The following PTN variants were observed in gnomAD, a reference collection of about 807,000 sequenced individuals.
PTN encodes pleiotrophin.
PTN carries 18 observed loss-of-function variants against 24.1 expected under a neutral mutation model. The observed-to-expected ratio is 0.75, with a 90% CI of 0.52 to 1.11. PTN has a LOEUF of 1.11. Among genes scored for constraint, PTN ranks in the 50% least tolerant of loss-of-function variants. The probability of loss-of-function intolerance (pLI) is 0.00; values close to 1 mark genes in which losing one functional copy is unlikely to be tolerated. For synonymous variants in PTN, 78 were observed against 68.6 expected, an observed-to-expected ratio of 1.14 and a Z score of -0.67; for missense variants, 163 against 198.8, an observed-to-expected ratio of 0.82 and a Z score of 1.08.
chr7:137,250,448 C>T (rs1193936310), intron 4 of PTN, among the ~76,000 whole-genome samples: 1 of 152,182 alleles, frequency 6.6e-6, no homozygotes, highest in Non-Finnish European at 1.5e-5. Context: ...ACCCTTGTGA[C>T]TGCATTTTAT....
intron 1 of PTN, among the ~76,000 whole-genome samples, chr7:137,303,728 A>G (rs1276006904): frequency 6.6e-6 from 1 of 152,008 alleles, no homozygotes; most frequent in Non-Finnish European, 1.5e-5. Context: ...GAGTTTGAAA[A>G]AGCAAACAAA....
intron 1 of PTN, among the ~76,000 whole-genome samples, chr7:137,316,854 T>C (rs111285927): frequency 5.7e-4 from 87 of 152,154 alleles, no homozygotes; most frequent in African/African-American, 1.9e-3. Context: ...TGTTTGACCG[T>C]CTAGGATGTG....
At chr7:137,243,160 C>T (rs184572407) in intron 4 of PTN, among the ~76,000 whole-genome samples, 8 of 152,270 alleles carry the variant, frequency 5.3e-5, no homozygotes, top group Middle Eastern at 3.4e-3. Context: ...TGGTCTCGAT[C>T]TCTTGACCTC....
chr7:137,342,077 T>A (rs1810543153), intron 1 of PTN, among the ~76,000 whole-genome samples: 1 of 152,236 alleles, frequency 6.6e-6, no homozygotes, highest in Non-Finnish European at 1.5e-5. Context: ...CTTTATTTTC[T>A]GTGTTGGGAG....
At chr7:137,265,748 A>C (rs1000229671) in intron 1 of PTN, among the ~76,000 whole-genome samples, 5 of 152,230 alleles carry the variant, frequency 3.3e-5, no homozygotes, top group Non-Finnish European at 5.9e-5. Context: ...GTGCACAAGC[A>C]TAACAATTGC....
At chr7:137,304,512 G>A (rs1809856229) in intron 1 of PTN, among the ~76,000 whole-genome samples, 1 of 151,880 alleles carries the variant, frequency 6.6e-6, no homozygotes, top group Non-Finnish European at 1.5e-5. Flanking sequence ...AGGAGATGAA[G>A]AAGAAAGCTT....
intron 4 of PTN, among the ~76,000 whole-genome samples, chr7:137,230,854 C>T (rs1339477912): frequency 4.6e-5 from 7 of 151,808 alleles, no homozygotes; most frequent in African/African-American, 1.7e-4. Flanking sequence ...TCTTTACTTC[C>T]ATCTTCATAC....
Position 137,228,625 on chromosome 7 carries a change from G to A in PTN, c.452-550C>T, listed in dbSNP as rs932705660. 5.9e-5 allele frequency among the ~76,000 whole-genome samples: 9 copies of A among 151,872 alleles called. No homozygotes were observed. In the South Asian group the frequency reaches 8.3e-4, roughly 14 times the overall value. On this transcript the variant is annotated intron_variant, in intron 4 of 4. Coordinates refer to ENST00000348225, the MANE Select transcript of PTN (RefSeq NM_002825.7). ...GCCAGCTATCTATGTAAAAAGAACC[G>A]GCTATAAACCATATGTACTCTCTCT...
chr7:137,266,180 C>A (rs1283404320), intron 1 of PTN, among the ~76,000 whole-genome samples: 1 of 152,098 alleles, frequency 6.6e-6, no homozygotes, highest in African/African-American at 2.4e-5. Context: ...CTTTAATGTC[C>A]ATTTCACAGA....
chr7:137,241,569 G>A (rs1298990921), intron 4 of PTN, among the ~76,000 whole-genome samples: 1 of 152,098 alleles, frequency 6.6e-6, no homozygotes, highest in Non-Finnish European at 1.5e-5. Flanking sequence ...CTTACTTACA[G>A]TGCTTCATTT....
chr7:137,284,554 T>A (rs1173744098), intron 1 of PTN, among the ~76,000 whole-genome samples: 1 of 152,192 alleles, frequency 6.6e-6, no homozygotes, highest in African/African-American at 2.4e-5. Flanking sequence ...TTTAGTTCTC[T>A]GAGAAAGTGG....
At chr7:137,279,862 C>T (rs1209909290) in intron 1 of PTN, among the ~76,000 whole-genome samples, 1 of 152,118 alleles carries the variant, frequency 6.6e-6, no homozygotes, top group Non-Finnish European at 1.5e-5. Flanking sequence ...TGACAGAGGG[C>T]CACTTGACAT....
chr7:137,296,239 T>G (rs1809716679), intron 1 of PTN, among the ~76,000 whole-genome samples: 1 of 152,110 alleles, frequency 6.6e-6, no homozygotes, highest in Admixed American at 6.6e-5. Flanking sequence ...TAAACCATAT[T>G]GCCATTATCA....
chr7:137,243,621 T>C (rs1808671624), intron 4 of PTN, among the ~76,000 whole-genome samples: 1 of 152,202 alleles, frequency 6.6e-6, no homozygotes. Flanking sequence ...TCCAGGCTCC[T>C]TCATAGCAGG....
At chr7:137,318,159 T>C (rs1810104241) in intron 1 of PTN, among the ~76,000 whole-genome samples, 1 of 152,094 alleles carries the variant, frequency 6.6e-6, no homozygotes. Flanking sequence ...TCCCAGCTAC[T>C]TGGGAGGCTG....
In PTN at chr7:137,324,433, A is replaced by AAAAAAATATAT; in HGVS notation, c.-2+19005_-2+19006insATATATTTTTT. Among the ~76,000 whole-genome samples the AAAAAAATATAT allele has an allele frequency of 8.4e-4, 75 of 88,760 alleles. 3 individuals are homozygous for AAAAAAATATAT. The highest frequency in any genetic ancestry group is 4.1e-3 in the African/African-American group (60 of 14,482). 58.2% of individuals were successfully genotyped at this position (88,760 alleles called of 152,430 possible). A position where few individuals can be genotyped will look rare whatever the true frequency, so the allele number is the denominator to read the frequency against. ...CCCTGTCTCTAAAAAAAAAAAAAAAAATATATATATATATATATAAATTAA... is the reference window on the plus strand; with the variant it reads ...CCCTGTCTCTAAAAAAAAAAAAAAAAAAAAAATATATATATATATATATATATATAAATTAA... On this transcript the variant is annotated intron_variant, in intron 1 of 4. Coordinates refer to ENST00000348225, the MANE Select transcript of PTN (RefSeq NM_002825.7).
chr7:137,289,189 A>G (rs896675198), intron 1 of PTN, among the ~76,000 whole-genome samples: 1 of 152,206 alleles, frequency 6.6e-6, no homozygotes, highest in African/African-American at 2.4e-5. Context: ...ACATATTCTC[A>G]AGATTGATAA....
intron 4 of PTN, among the ~76,000 whole-genome samples, chr7:137,231,491 T>C (rs1386308479): frequency 6.6e-6 from 1 of 151,912 alleles, no homozygotes; most frequent in African/African-American, 2.4e-5. Context: ...CTCCCATTGA[T>C]TTTTCCAAAA....
chr7:137,297,678 G>A (rs1809740272), intron 1 of PTN, among the ~76,000 whole-genome samples: 2 of 151,910 alleles, frequency 1.3e-5, no homozygotes, highest in East Asian at 1.9e-4. Context: ...TAGCCCAGGC[G>A]CATTCTTATC....
Sources: gnomAD v4.1 joint callset for allele counts (sites outside exome capture counted in the v4.1 genomes callset) on GRCh38, gnomAD v4.1.1 for gene constraint, MANE v1.5 for transcripts, NCBI Gene and HGNC (gene_info 2026-07-23, HGNC 2026-07-21) for gene names.